The following RGS13 variants were observed in gnomAD, a reference collection of about 807,000 sequenced individuals.
RGS13 encodes regulator of G protein signaling 13.
Under a neutral mutation model 19.9 loss-of-function variants are expected in RGS13, and 14 were observed. The ratio of observed to expected loss-of-function variants is 0.70; its 90% CI spans 0.46 to 1.10. The LOEUF is 1.10. Ranked by LOEUF, RGS13 falls within the 50% of genes least tolerant of loss-of-function variation. RGS13 has a pLI of 0.00. For missense variants in RGS13, 205 were observed against 187.1 expected, an observed-to-expected ratio of 1.10 and a Z score of -0.56; for synonymous variants, 60 against 56.8, an observed-to-expected ratio of 1.06 and a Z score of -0.25.
rs1360680983 is a variant in RGS13 at position 192,659,907 on chromosome 1, T to C, written c.*384T>C. The stretch of plus-strand genomic sequence containing the variant: ...TGTTATATGAATTGTGTTTCTAGCA[T>C]GAATGTTCTATAGAGTACTCTAAAT... On this transcript the variant is annotated 3_prime_UTR_variant, in exon 7 of 7. Transcript: ENST00000391995. 5.5e-6 allele frequency: 1 copy of C among 180,520 alleles called. No individual in the cohort carries two copies. The highest frequency in any genetic ancestry group is 2.4e-5 in the African/African-American group (1 of 41,700). The allele number at this position is 180,520 out of a possible 1,614,324, so 11.2% of individuals were successfully genotyped here.
Position 192,658,988 on chromosome 1 carries a change from C to G in RGS13, c.295-350C>G, listed in dbSNP as rs1663550002. On this transcript the variant is annotated intron_variant, in intron 6 of 6. Coordinates refer to ENST00000391995, the MANE Select transcript of RGS13 (RefSeq NM_002927.5). ...AGGGAGATAAATTTTTAAAAAGCAC[C>G]AATTTCTCTTTTCTTTAAAAAGACA... 2.9e-5 allele frequency: 5 copies of G among 172,214 alleles called. No homozygotes were observed. In the Admixed American group the frequency reaches 3.1e-4, roughly 11 times the overall value. 10.7% of individuals were successfully genotyped at this position (172,214 alleles called of 1,614,324 possible).
chr1:192,641,042 T>A lies in RGS13; in HGVS notation c.-5+2839T>A, dbSNP rs941045167. Among the ~76,000 whole-genome samples the A allele has an allele frequency of 2.0e-4, 30 of 151,282 alleles. 1 individual carries two copies. Among genetic ancestry groups the A allele is most frequent in the African/African-American group, 7.3e-4 (30 of 41,116 alleles). On this transcript the variant is annotated intron_variant, in intron 3 of 6. Coordinates refer to ENST00000391995, the MANE Select transcript of RGS13 (RefSeq NM_002927.5). ...GGCCAGAATCATCAAATGACAAGAATCTGTCTCTCTGTCATTATTACGTCT... is the reference window on the plus strand; with the variant it reads ...GGCCAGAATCATCAAATGACAAGAAACTGTCTCTCTGTCATTATTACGTCT...
chr1:192,641,212 GAA>G (rs751869090), intron 3 of RGS13, among the ~76,000 whole-genome samples: 13,610 of 87,660 alleles, frequency 0.16, 1,127 homozygotes, highest in East Asian at 0.2. Flanking sequence ...AGGAAAGAAA[GAA>G]AGAAAGAGAG....
In RGS13 at chr1:192,647,972, T is replaced by C; in HGVS notation, c.112T>C (p.Leu38=). 2 of 1,598,942 alleles carry C rather than the reference T, an allele frequency of 1.3e-6. No homozygotes were observed. The highest frequency in any genetic ancestry group is 2.3e-5 in the East Asian group (1 of 44,098). ...VLQWAQSFEN[L]MATKYGPVVY... ...ACAGTGGGCCCAGTCTTTTGAAAAT[T>C]TAATGGCTACAAAATGTGAGTATTG... is the stretch of plus-strand genomic sequence containing the variant. The change falls in exon 5 of 7, where the codon TTA becomes CTA. Residue 38 remains leucine, a synonymous_variant. Transcript: ENST00000391995.
chr1:192,659,169 A>T (rs1477059413), intron 6 of RGS13, 169 bp from the exon 7 acceptor site: 1 of 466,910 alleles, frequency 2.1e-6, no homozygotes, highest in Admixed American at 4.0e-5. Context: ...CTTTTAAAAG[A>T]GCAAAATGTT....
chr1:192,653,322 C>T (rs1432087536), intron 5 of RGS13, among the ~76,000 whole-genome samples: 1 of 152,096 alleles, frequency 6.6e-6, no homozygotes, highest in Non-Finnish European at 1.5e-5. Context: ...TTACTGACTT[C>T]ACCCCATTAG....
chr1:192,643,928 G>T (rs919945553), intron 3 of RGS13, among the ~76,000 whole-genome samples: 5 of 152,086 alleles, frequency 3.3e-5, no homozygotes, highest in African/African-American at 4.8e-5. Context: ...ACTCCAGGCT[G>T]GGTGACAGGG....
At chr1:192,658,611 CT>C in intron 6 of RGS13, 2 of 363,140 alleles carry the variant, frequency 5.5e-6, no homozygotes, top group East Asian at 8.3e-5. Context: ...TCCAAAGCTT[CT>C]CCCCATTAAA....
intron 5 of RGS13, among the ~76,000 whole-genome samples, chr1:192,656,914 T>A (rs1663453857): frequency 6.6e-6 from 1 of 152,132 alleles, no homozygotes; most frequent in African/African-American, 2.4e-5. Flanking sequence ...GAAAACTTGA[T>A]CTGATCTCTT....
intron 3 of RGS13, among the ~76,000 whole-genome samples, chr1:192,643,695 G>A (rs6657887): frequency 0.44 from 66,597 of 152,064 alleles, 14,877 homozygotes; most frequent in East Asian, 0.6. Flanking sequence ...CATGCCTACA[G>A]TCCCAGCAGT....
intron 6 of RGS13, 68 bp downstream of exon 6, chr1:192,658,435 C>A: frequency 6.9e-7 from 1 of 1,449,160 alleles, no homozygotes; most frequent in Non-Finnish European, 9.4e-7. Context: ...ATCTGTCAAG[C>A]ATCCATAAGT....
intron 3 of RGS13, among the ~76,000 whole-genome samples, 163 bp from the exon 4 acceptor site, chr1:192,644,168 T>G (rs1663174249): frequency 6.6e-6 from 1 of 152,110 alleles, no homozygotes; most frequent in South Asian, 2.1e-4. Context: ...GTCATTTTAT[T>G]CTCCTCTCTC....
chr1:192,649,932 A>G (rs1263331170), intron 5 of RGS13, among the ~76,000 whole-genome samples: 1 of 152,100 alleles, frequency 6.6e-6, no homozygotes, highest in African/African-American at 2.4e-5. Context: ...CCTAGATTAT[A>G]AATTCCTTAA....
At chr1:192,646,004 G>A (rs1663214507) in intron 4 of RGS13, 1 of 152,092 alleles carries the variant, frequency 6.6e-6, no homozygotes, top group Admixed American at 6.6e-5. Context: ...AATAAACCTT[G>A]CCTAGCTCTT....
rs1663576656 is a variant in RGS13 at position 192,659,725 on chromosome 1, G to T, written c.*202G>T. On this transcript the variant is annotated 3_prime_UTR_variant, in exon 7 of 7. Transcript: ENST00000391995. ...TATAACATGAATAACAAAATGTACAGCAAGCCTATGTAGTTCAATTAATAT... is the reference window on the plus strand; with the variant it reads ...TATAACATGAATAACAAAATGTACATCAAGCCTATGTAGTTCAATTAATAT... 4 of 524,808 alleles carry T rather than the reference G, an allele frequency of 7.6e-6. No individual in the cohort carries two copies. Among genetic ancestry groups the T allele is most frequent in the Non-Finnish European group, 1.3e-5 (4 of 299,052 alleles). 32.5% of individuals were successfully genotyped at this position (524,808 alleles called of 1,614,324 possible).
At chr1:192,656,075 C>T (rs951956693) in intron 5 of RGS13, among the ~76,000 whole-genome samples, 5 of 152,030 alleles carry the variant, frequency 3.3e-5, no homozygotes, top group African/African-American at 1.2e-4. Flanking sequence ...AAATGATAAC[C>T]TATAAACATT....
At chr1:192,648,085 C>T in intron 5 of RGS13, 98 bp downstream of exon 5, 1 of 729,200 alleles carries the variant, frequency 1.4e-6, no homozygotes, top group Non-Finnish European at 2.2e-6. Context: ...CTATTCTTCT[C>T]ACAGCCTTCT....
rs1320255642 is a variant in RGS13 at position 192,641,236 on chromosome 1, G to GA, written c.-5+3036dup. On this transcript the variant is annotated intron_variant, in intron 3 of 6. Coordinates refer to ENST00000391995, the MANE Select transcript of RGS13 (RefSeq NM_002927.5). ...AGAAAGAAAGAGAGAAAGAAAGAAA[G>GA]AAAGAAAGAAAAGAAAGAAAAGAAA... Among the ~76,000 whole-genome samples, 501 of 94,638 alleles carry GA rather than the reference G, an allele frequency of 5.3e-3. 1 individual carries two copies. Among genetic ancestry groups the GA allele is most frequent in the Admixed American group, 7.5e-3 (61 of 8,170 alleles). 62.1% of individuals were successfully genotyped at this position (94,638 alleles called of 152,430 possible).
intron 1 of RGS13, 127 bp from the exon 2 acceptor site, chr1:192,637,463 G>A (rs750357174): frequency 2.0e-5 from 3 of 151,802 alleles, no homozygotes; most frequent in Non-Finnish European, 2.9e-5. Context: ...CAGCATTTCC[G>A]AGGTGGAAAA....
Sources: allele counts gnomAD v4.1 joint callset (sites outside exome capture counted in the v4.1 genomes callset), GRCh38; gene constraint gnomAD v4.1.1; transcripts MANE v1.5; gene names NCBI Gene and HGNC (gene_info 2026-07-23, HGNC 2026-07-21).